ITGB1: variants seen among roughly 807,000 people sequenced by gnomAD.
The protein encoded by ITGB1 is integrin subunit beta 1, also known as integrin beta-1.
Under a neutral mutation model 86.5 loss-of-function variants are expected in ITGB1, and 24 were observed. The ratio of observed to expected loss-of-function variants is 0.28; its 90% CI spans 0.20 to 0.39. ITGB1 has a LOEUF of 0.39. Ranked by LOEUF, ITGB1 falls within the 10% of genes least tolerant of loss-of-function variation. The probability of loss-of-function intolerance (pLI) is 1.00; values close to 1 mark genes in which losing one functional copy is unlikely to be tolerated. For synonymous variants in ITGB1, 323 were observed against 316.8 expected (o/e 1.02, Z -0.21); for missense variants, 556 against 946.9 (o/e 0.59, Z 5.42).
intron 5 of ITGB1, among the ~76,000 whole-genome samples, chr10:32,926,949 T>C (rs187411152): frequency 1.3e-5 from 2 of 152,298 alleles, no homozygotes; most frequent in East Asian, 3.9e-4. Context: ...ACCCAGTTTA[T>C]AGTATTTTCT....
intron 9 of ITGB1, among the ~76,000 whole-genome samples, chr10:32,921,413 A>G (rs2094949557): frequency 6.6e-6 from 1 of 152,184 alleles, no homozygotes; most frequent in Non-Finnish European, 1.5e-5. Flanking sequence ...CCATTATGGT[A>G]CCCCATAAAA....
chr10:32,917,500 A>T (rs1664260681), intron 11 of ITGB1, among the ~76,000 whole-genome samples: 1 of 152,204 alleles, frequency 6.6e-6, no homozygotes, highest in African/African-American at 2.4e-5. Context: ...TTACAAGAAA[A>T]AATCAAACAA....
rs1363380850 is a variant in ITGB1, at chr10:32,910,471, C to G, written c.1932-16G>C. 1.3e-6 allele frequency: 2 copies of G among 1,484,688 alleles called. No homozygotes were observed. The highest frequency in any genetic ancestry group is 1.9e-6 in the Non-Finnish European group (2 of 1,077,524). 92.0% of individuals were successfully genotyped at this position (1,484,688 alleles called of 1,614,324 possible). On this transcript the variant is annotated splice_polypyrimidine_tract_variant and intron_variant, in intron 13 of 15. Coordinates refer to ENST00000302278, the MANE Select transcript of ITGB1 (RefSeq NM_002211.4). ...AACACATTCTCTGTTACAAAAAACACAAATTATGATATTTACATTTTATTA... is the reference window on the plus strand; with the variant it reads ...AACACATTCTCTGTTACAAAAAACAGAAATTATGATATTTACATTTTATTA...
At chr10:32,912,947 C>T (rs1408514305) in intron 11 of ITGB1, among the ~76,000 whole-genome samples, 1 of 152,160 alleles carries the variant, frequency 6.6e-6, no homozygotes, top group Non-Finnish European at 1.5e-5. Context: ...AGCCCGGTGC[C>T]CCTCTGAGAC....
chr10:32,953,999 C>T (rs564839119), intron 1 of ITGB1, among the ~76,000 whole-genome samples: 26 of 152,254 alleles, frequency 1.7e-4, no homozygotes, highest in African/African-American at 6.3e-4. Flanking sequence ...CTCCACCCCC[C>T]CTTGACTATT....
chr10:32,953,221 T>C (rs146876443), intron 1 of ITGB1, among the ~76,000 whole-genome samples: 3 of 152,298 alleles, frequency 2.0e-5, no homozygotes, highest in Non-Finnish European at 2.9e-5. Context: ...CTAACATTGT[T>C]AGGGAATATT....
chr10:32,937,345 C>T (rs552405777), intron 1 of ITGB1, among the ~76,000 whole-genome samples: 7 of 152,122 alleles, frequency 4.6e-5, no homozygotes, highest in African/African-American at 1.7e-4. Flanking sequence ...ATCACGAGGT[C>T]AGGAGATCGA....
In ITGB1 at chr10:32,910,471, C is replaced by T. The variant is rs1363380850; in HGVS notation, c.1932-16G>A. ...AACACATTCTCTGTTACAAAAAACA[C>T]AAATTATGATATTTACATTTTATTA... is the stretch of plus-strand genomic sequence containing the variant. On this transcript the variant is annotated splice_polypyrimidine_tract_variant and intron_variant, in intron 13 of 15. Coordinates refer to ENST00000302278, the MANE Select transcript of ITGB1 (RefSeq NM_002211.4). 4 of 1,484,688 alleles carry T rather than the reference C, an allele frequency of 2.7e-6. No individual in the cohort carries two copies. The highest frequency in any genetic ancestry group is 2.8e-6 in the Non-Finnish European group (3 of 1,077,524). 92.0% of individuals were successfully genotyped at this position (1,484,688 alleles called of 1,614,324 possible).
At chr10:32,916,905 C>A (rs2094933446) in intron 11 of ITGB1, among the ~76,000 whole-genome samples, 2 of 152,142 alleles carry the variant, frequency 1.3e-5, no homozygotes, top group African/African-American at 4.8e-5. Context: ...GCCAAAAGAA[C>A]AAAGCTGGAG....
Position 32,911,479 on chromosome 10 carries a change from G to C in ITGB1, c.1900C>G (p.Gln634Glu). The C allele has an allele frequency of 6.2e-7, 1 of 1,614,094 alleles. No homozygotes were observed. The highest frequency in any genetic ancestry group is 8.5e-7 in the Non-Finnish European group (1 of 1,179,948). The change falls in exon 13 of 16, where the codon CAG becomes GAG. Residue 634 changes from glutamine (Q) to glutamate (E), a missense_variant. Physicochemically the swap from Gln to Glu is conservative, Grantham distance 29. Transcript: ENST00000302278. ...KFQGQTCEMC[Q>E]TCLGVCAEHK... The stretch of plus-strand genomic sequence containing the variant: ...TCAGCACAGACACCAAGGCAGGTCT[G>C]ACACATCTCACACGTTTGCCCTTGA...
intron 3 of ITGB1, 138 bp from the exon 4 acceptor site, chr10:32,930,182 A>G: frequency 1.6e-6 from 1 of 611,736 alleles, no homozygotes; most frequent in Non-Finnish European, 2.9e-6. Context: ...TTTAAACAAA[A>G]TGCTCCCTTC....
At chr10:32,913,483 T>A (rs1344832937) in intron 11 of ITGB1, among the ~76,000 whole-genome samples, 1 of 152,138 alleles carries the variant, frequency 6.6e-6, no homozygotes, top group Non-Finnish European at 1.5e-5. Flanking sequence ...AATGACCTGA[T>A]GGAGCGGAAA....
In ITGB1 at chr10:32,911,606, G is replaced by A; in HGVS notation, c.1773C>T (p.Asp591=). 1 of 1,614,148 alleles carries A rather than the reference G, an allele frequency of 6.2e-7. No homozygotes were observed. The highest frequency in any genetic ancestry group is 2.2e-5 in the East Asian group (1 of 44,886). ...CACAAGTACTAGTATCCAAAGAACA[G>A]TCACATGCACTGCCAGTGTAGTTGG... ...CNPNYTGSAC[D]CSLDTSTCEA... The change falls in exon 13 of 16, where the codon GAC becomes GAT. Residue 591 remains aspartate (D), a synonymous_variant. Coordinates refer to ENST00000302278, the MANE Select transcript of ITGB1 (RefSeq NM_002211.4).
intron 1 of ITGB1, among the ~76,000 whole-genome samples, chr10:32,946,435 C>T (rs2095031381): frequency 6.6e-6 from 1 of 152,064 alleles, no homozygotes; most frequent in Non-Finnish European, 1.5e-5. Flanking sequence ...TCACTGCCAC[C>T]TTATCTTAAG....
chr10:32,924,049 T>C (rs550902822), intron 6 of ITGB1, among the ~76,000 whole-genome samples: 1 of 152,338 alleles, frequency 6.6e-6, no homozygotes, highest in South Asian at 2.1e-4. Flanking sequence ...CTCCAGCAGC[T>C]AGCAAGCCAG....
chr10:32,906,347 T>C (rs991768387), intron 15 of ITGB1: 1 of 153,250 alleles, frequency 6.5e-6, no homozygotes, highest in African/African-American at 2.4e-5. Context: ...CCCAGCACTT[T>C]GGGAGACCGA....
At chr10:32,946,956 T>C (rs932965639) in intron 1 of ITGB1, among the ~76,000 whole-genome samples, 7 of 152,050 alleles carry the variant, frequency 4.6e-5, no homozygotes, top group African/African-American at 1.7e-4. Flanking sequence ...GCAATTCTCC[T>C]GCCTCAGCCT....
In ITGB1 at chr10:32,901,644, A is replaced by C; in HGVS notation, c.2332-9T>G. ...TAAATAGGATTTTCACCCTACAACA[A>C]AAAAAAAGTGAGAAAAATTATCAGT... is the stretch of plus-strand genomic sequence containing the variant. On this transcript the variant is annotated splice_polypyrimidine_tract_variant and intron_variant, in intron 15 of 15. Transcript: ENST00000302278. The C allele has an allele frequency of 6.4e-7, 1 of 1,566,706 alleles. No individual in the cohort carries two copies. The highest frequency in any genetic ancestry group is 8.7e-7 in the Non-Finnish European group (1 of 1,145,804).
At chr10:32,913,834 T>G (rs182363471) in intron 11 of ITGB1, among the ~76,000 whole-genome samples, 231 of 152,182 alleles carry the variant, frequency 1.5e-3, no homozygotes, top group African/African-American at 5.4e-3. Context: ...AGATACTCCT[T>G]GAGAAGAGCA....
Sources: allele counts gnomAD v4.1 joint callset (sites outside exome capture counted in the v4.1 genomes callset), GRCh38; gene constraint gnomAD v4.1.1; transcripts MANE v1.5; gene names NCBI Gene and HGNC (gene_info 2026-07-23, HGNC 2026-07-21).